Variants in HERC6 observed in about 807,000 individuals in gnomAD.
The protein encoded by HERC6 is HECT and RLD domain containing E3 ubiquitin protein ligase family member 6.
A neutral mutation model predicts 114.5 loss-of-function variants in HERC6; 101 were observed. That is an observed-to-expected ratio of 0.88 (90% CI 0.75 to 1.04). HERC6 has a LOEUF of 1.04. HERC6 is among the 50% of genes least tolerant of loss of function. The pLI, the probability that HERC6 is intolerant of heterozygous loss-of-function variation, is 0.00. For missense variants in HERC6, 1,133 were observed against 1,230.9 expected, an observed-to-expected ratio of 0.92 and a Z score of 1.19; for synonymous variants, 408 against 436.2, an observed-to-expected ratio of 0.94 and a Z score of 0.81.
intron 3 of HERC6, among the ~76,000 whole-genome samples, chr4:88,388,843 A>G (rs887090915): frequency 2.6e-5 from 4 of 152,212 alleles, no homozygotes; most frequent in East Asian, 3.8e-4. Flanking sequence ...GCCTGCATCA[A>G]TGCAGATTTT....
intron 13 of HERC6, among the ~76,000 whole-genome samples, chr4:88,419,086 T>C (rs1031741496): frequency 6.6e-6 from 1 of 152,072 alleles, no homozygotes; most frequent in Non-Finnish European, 1.5e-5. Context: ...AAAAATTAAA[T>C]AGAAAGGAAG....
At chr4:88,383,618 C>T (rs1178918089) in intron 2 of HERC6, among the ~76,000 whole-genome samples, 1 of 151,694 alleles carries the variant, frequency 6.6e-6, no homozygotes, top group Non-Finnish European at 1.5e-5. Context: ...AGAAAATTAG[C>T]CGGGCATGGT....
chr4:88,438,847 A>G (rs1739031283), intron 20 of HERC6, among the ~76,000 whole-genome samples: 1 of 152,158 alleles, frequency 6.6e-6, no homozygotes, highest in African/African-American at 2.4e-5. Context: ...CCAGCACACC[A>G]ATGGTTACAG....
At chr4:88,403,852 TA>T in intron 8 of HERC6, among the ~76,000 whole-genome samples, 1 of 152,236 alleles carries the variant, frequency 6.6e-6, no homozygotes. Context: ...AAAATATATA[TA>T]AATACAATTT....
intron 10 of HERC6, among the ~76,000 whole-genome samples, chr4:88,407,323 C>T (rs981440636): frequency 1.3e-5 from 2 of 152,126 alleles, no homozygotes; most frequent in African/African-American, 4.8e-5. Flanking sequence ...TCAAGTGATC[C>T]GCCCACCTCA....
In HERC6 at chr4:88,437,764, T is replaced by C. The variant is rs757569169; in HGVS notation, c.2538T>C (p.Pro846=). 1 of 1,607,428 alleles carries C rather than the reference T, an allele frequency of 6.2e-7. No individual in the cohort carries two copies. Among genetic ancestry groups the C allele is most frequent in the South Asian group, 1.1e-5 (1 of 89,526 alleles). Residue 846 remains proline (P), a synonymous_variant, in exon 20 of 23, where the codon CCT becomes CCC. Coordinates refer to ENST00000264346, the MANE Select transcript of HERC6 (RefSeq NM_017912.4). ...VDLIPNGISI[P]VDQTNKRDYV... ...TAATTCCAAATGGGATCTCCATACC[T>C]GTGGACCAAACCAACAAGTAAGTTT...
intron 12 of HERC6, among the ~76,000 whole-genome samples, chr4:88,416,742 G>A (rs934723340): frequency 3.3e-5 from 5 of 151,808 alleles, no homozygotes; most frequent in Admixed American, 6.6e-5. Context: ...ATGCAATGCC[G>A]CATTTATTAT....
chr4:88,389,824 A>C (rs1212340098), intron 3 of HERC6, among the ~76,000 whole-genome samples: 1 of 152,190 alleles, frequency 6.6e-6, no homozygotes, highest in East Asian at 1.9e-4. Context: ...TGCTAAGTGA[A>C]ATAAGCCAGA....
chr4:88,434,281 C>T (rs1738525924), intron 17 of HERC6, among the ~76,000 whole-genome samples: 1 of 152,184 alleles, frequency 6.6e-6, no homozygotes, highest in African/African-American at 2.4e-5. Flanking sequence ...GGTTTCCTCA[C>T]CTAGAAAATG....
intron 4 of HERC6, among the ~76,000 whole-genome samples, chr4:88,391,418 G>A (rs1365817939): frequency 6.6e-6 from 1 of 152,158 alleles, no homozygotes; most frequent in Non-Finnish European, 1.5e-5. Context: ...AACAACTTTA[G>A]TTCCATCGGT....
Position 88,437,789 on chromosome 4 carries a change from T to C in HERC6, c.2555+8T>C. ...TGTGGACCAAACCAACAAGTAAGTT[T>C]TGACAGCTAGAATATCTGTTTTGAA... On this transcript the variant is annotated splice_region_variant and intron_variant, in intron 20 of 22. Transcript: ENST00000264346. 1 of 1,568,568 alleles carries C rather than the reference T, an allele frequency of 6.4e-7. No homozygotes were observed. Among genetic ancestry groups the C allele is most frequent in the Non-Finnish European group, 8.8e-7 (1 of 1,142,602 alleles).
intron 12 of HERC6, among the ~76,000 whole-genome samples, chr4:88,414,850 A>C (rs1560551164): frequency 6.6e-6 from 1 of 152,026 alleles, no homozygotes; most frequent in African/African-American, 2.4e-5. Flanking sequence ...CTCCGATCTC[A>C]TTCTGTCATC....
chr4:88,417,714 G>A, intron 13 of HERC6, 135 bp downstream of exon 13: 1 of 659,782 alleles, frequency 1.5e-6, no homozygotes, highest in South Asian at 2.8e-5. Context: ...TATAGAAAAG[G>A]GAAATGTTTG....
intron 9 of HERC6, among the ~76,000 whole-genome samples, chr4:88,405,269 A>C (rs1440293653): frequency 1.3e-5 from 2 of 152,224 alleles, no homozygotes; most frequent in African/African-American, 4.8e-5. Flanking sequence ...GACTGTTTTC[A>C]TATCTTCATA....
chr4:88,427,441 A>T (rs1367979293), intron 15 of HERC6, among the ~76,000 whole-genome samples: 1 of 152,186 alleles, frequency 6.6e-6, no homozygotes, highest in East Asian at 1.9e-4. Flanking sequence ...TGGATGTCCC[A>T]GACCTGCAGA....
chr4:88,388,487 G>T (rs1734711601), intron 3 of HERC6, among the ~76,000 whole-genome samples: 1 of 150,224 alleles, frequency 6.7e-6, no homozygotes, highest in African/African-American at 2.5e-5. Context: ...GGAGGCAGAG[G>T]TTGCAGTGAG....
At chr4:88,437,923 GAGGTC>G in intron 20 of HERC6, 142 bp downstream of exon 20, 1 of 626,688 alleles carries the variant, frequency 1.6e-6, no homozygotes, top group Non-Finnish European at 2.7e-6. Flanking sequence ...TGGATCACTT[GAGGTC>G]AGGAGTTCAA....
intron 3 of HERC6, 59 bp from the exon 4 acceptor site, chr4:88,390,593 C>T (rs1022573330): frequency 5.1e-6 from 7 of 1,383,082 alleles, no homozygotes; most frequent in Non-Finnish European, 6.8e-6. Context: ...TTAGTAGTTT[C>T]TATTTGAATT....
rs746485656 is a variant in HERC6 at position 88,378,903 on chromosome 4, G to T, written c.-19G>T. The T allele has an allele frequency of 3.8e-6, 6 of 1,568,278 alleles. No individual in the cohort carries two copies. The highest frequency in any genetic ancestry group is 5.2e-6 in the Non-Finnish European group (6 of 1,157,286). ...GGGACCGACGGAATCCGGAGCAGGC[G>T]ACAGGGCGCAGAAGCGGGATGTACT... On this transcript the variant is annotated 5_prime_UTR_variant, in exon 1 of 23. Coordinates refer to ENST00000264346, the MANE Select transcript of HERC6 (RefSeq NM_017912.4).
Sources: gnomAD v4.1 joint callset for allele counts (sites outside exome capture counted in the v4.1 genomes callset) on GRCh38, gnomAD v4.1.1 for gene constraint, MANE v1.5 for transcripts, NCBI Gene and HGNC (gene_info 2026-07-23, HGNC 2026-07-21) for gene names.